MAN1A2: variants seen among roughly 807,000 people sequenced by gnomAD.
The protein encoded by MAN1A2 is mannosyl-oligosaccharide 1,2-alpha-mannosidase IB.
MAN1A2 carries 26 observed loss-of-function variants against 75.7 expected under a neutral mutation model. The ratio of observed to expected loss-of-function variants is 0.34; its 90% CI spans 0.25 to 0.48. The LOEUF is 0.48. Ranked by LOEUF, MAN1A2 falls within the 20% of genes least tolerant of loss-of-function variation. The probability of loss-of-function intolerance (pLI) is 0.99; values close to 1 mark genes in which losing one functional copy is unlikely to be tolerated. For missense variants in MAN1A2, 562 were observed against 775.5 expected, an observed-to-expected ratio of 0.72 and a Z score of 3.27; for synonymous variants, 247 against 264.6, an observed-to-expected ratio of 0.93 and a Z score of 0.65.
chr1:117,520,679 A>G (rs1031942108), intron 12 of MAN1A2, among the ~76,000 whole-genome samples: 3 of 152,068 alleles, frequency 2.0e-5, no homozygotes, highest in Non-Finnish European at 4.4e-5. Flanking sequence ...AGATGACACA[A>G]ACAGATGGAA....
intron 6 of MAN1A2, among the ~76,000 whole-genome samples, chr1:117,458,523 A>AGAT (rs372300456): frequency 9.5e-6 from 1 of 105,610 alleles, no homozygotes; most frequent in African/African-American, 3.5e-5. Context: ...ATATATATAT[A>AGAT]TTTTTTTTTT....
chr1:117,429,813 A>G (rs1357431250), intron 5 of MAN1A2, among the ~76,000 whole-genome samples: 1 of 28,816 alleles, frequency 3.5e-5, no homozygotes, highest in East Asian at 9.5e-4. Flanking sequence ...GGGGGCCGAC[A>G]CCCCCACCTC....
At chr1:117,466,908 A>G (rs998536716) in intron 8 of MAN1A2, among the ~76,000 whole-genome samples, 1 of 152,066 alleles carries the variant, frequency 6.6e-6, no homozygotes, top group Non-Finnish European at 1.5e-5. Flanking sequence ...AGAGATTGAG[A>G]TGGAGAAAGA....
chr1:117,392,771 C>T (rs1193988197), intron 1 of MAN1A2, among the ~76,000 whole-genome samples: 1 of 152,152 alleles, frequency 6.6e-6, no homozygotes, highest in East Asian at 1.9e-4. Context: ...GTGACCTATA[C>T]CTAACTAGAG....
At chr1:117,376,257 GA>G (rs1162832197) in intron 1 of MAN1A2, among the ~76,000 whole-genome samples, 6 of 152,190 alleles carry the variant, frequency 3.9e-5, no homozygotes, top group Admixed American at 6.5e-5. Context: ...CTGGTATAAG[GA>G]AGATGGATGC....
intron 1 of MAN1A2, among the ~76,000 whole-genome samples, chr1:117,381,406 A>G (rs556438834): frequency 8.6e-4 from 131 of 152,120 alleles, no homozygotes; most frequent in East Asian, 4.8e-3. Flanking sequence ...TCATTGTTCA[A>G]TTGCCATCTA....
chr1:117,471,467 A>G (rs1650149474), intron 8 of MAN1A2, among the ~76,000 whole-genome samples: 1 of 151,918 alleles, frequency 6.6e-6, no homozygotes. Flanking sequence ...GGAGTATTTT[A>G]TAATATGTTA....
intron 12 of MAN1A2, among the ~76,000 whole-genome samples, chr1:117,508,738 A>G (rs1411842061): frequency 6.6e-6 from 1 of 151,836 alleles, no homozygotes; most frequent in African/African-American, 2.4e-5. Flanking sequence ...TTTTCACAGT[A>G]TAATATTAAG....
At chr1:117,398,631 G>A (rs1179203085) in intron 1 of MAN1A2, among the ~76,000 whole-genome samples, 1 of 150,764 alleles carries the variant, frequency 6.6e-6, no homozygotes, top group African/African-American at 2.4e-5. Flanking sequence ...CCGAGATCGT[G>A]CCACTGCACT....
At chr1:117,456,413 C>T (rs1469402689) in intron 6 of MAN1A2, among the ~76,000 whole-genome samples, 1 of 151,990 alleles carries the variant, frequency 6.6e-6, no homozygotes. Context: ...ATAATTAAAA[C>T]TATTTAATTT....
chr1:117,493,024 G>A lies in MAN1A2; in HGVS notation c.1169-123G>A, dbSNP rs1650930023. ...AAATTTGAAGTATGTTGGAAATAGG[G>A]TTGTCAATGTAATTTTAAAATTATT... On this transcript the variant is annotated intron_variant, in intron 8 of 12. Coordinates refer to ENST00000356554, the MANE Select transcript of MAN1A2 (RefSeq NM_006699.5). 4 of 604,138 alleles carry A rather than the reference G, an allele frequency of 6.6e-6. No individual in the cohort carries two copies. The South Asian group carries it at 8.1e-5, about 12-fold the overall frequency. 37.4% of individuals were successfully genotyped at this position (604,138 alleles called of 1,614,324 possible). A position where few individuals can be genotyped will look rare whatever the true frequency, so the allele number is the denominator to read the frequency against.
chr1:117,373,851 A>G (rs1389811540), intron 1 of MAN1A2, among the ~76,000 whole-genome samples: 1 of 152,126 alleles, frequency 6.6e-6, no homozygotes, highest in East Asian at 1.9e-4. Context: ...CTAAGATTGG[A>G]AAGTTGGTAA....
intron 5 of MAN1A2, among the ~76,000 whole-genome samples, chr1:117,425,165 G>T (rs934318026): frequency 2.1e-5 from 3 of 142,916 alleles, no homozygotes; most frequent in African/African-American, 5.2e-5. Context: ...GAGGGCAAAG[G>T]GGGGAGGGAA....
At chr1:117,413,792 CAA>C (rs935026200) in intron 3 of MAN1A2, among the ~76,000 whole-genome samples, 8 of 151,880 alleles carry the variant, frequency 5.3e-5, no homozygotes, top group Non-Finnish European at 1.0e-4. Context: ...TCATAGGACA[CAA>C]ATAATAATTG....
intron 5 of MAN1A2, among the ~76,000 whole-genome samples, chr1:117,439,117 G>T (rs914564789): frequency 6.6e-6 from 1 of 152,138 alleles, no homozygotes; most frequent in African/African-American, 2.4e-5. Flanking sequence ...AACATACCTG[G>T]CATCCTTAGA....
rs1434166835 is a variant in MAN1A2, at chr1:117,407,575, G to A, written c.655+1930G>A. 3.9e-5 allele frequency among the ~76,000 whole-genome samples: 6 copies of A among 151,988 alleles called. No homozygotes were observed. The East Asian group carries it at 9.7e-4, about 24-fold the overall frequency. Reference sequence around the variant, plus strand: ...TTAACTTAAAACACTCTTTTTGTTAGCCTTGATTATTAAACAATTCTTTTA... The same window carrying A: ...TTAACTTAAAACACTCTTTTTGTTAACCTTGATTATTAAACAATTCTTTTA... On this transcript the variant is annotated intron_variant, in intron 3 of 12. Coordinates refer to ENST00000356554, the MANE Select transcript of MAN1A2 (RefSeq NM_006699.5).
chr1:117,373,196 A>G (rs1468299598), intron 1 of MAN1A2, among the ~76,000 whole-genome samples: 1 of 151,942 alleles, frequency 6.6e-6, no homozygotes, highest in African/African-American at 2.4e-5. Flanking sequence ...AGAGATTTCA[A>G]ATCTCACTAT....
intron 12 of MAN1A2, among the ~76,000 whole-genome samples, chr1:117,522,263 C>G (rs1300626539): frequency 1.3e-5 from 2 of 151,830 alleles, no homozygotes; most frequent in African/African-American, 4.8e-5. Flanking sequence ...TTTGACAAAT[C>G]AACTCTAACA....
At position 117,368,138 on chromosome 1, in the gene MAN1A2, C is replaced by G; in HGVS notation, c.-46C>G. The G allele has an allele frequency of 6.6e-7, 1 of 1,520,116 alleles. No individual in the cohort carries two copies. Among genetic ancestry groups the G allele is most frequent in the South Asian group, 1.3e-5 (1 of 78,454 alleles). 94.2% of individuals were successfully genotyped at this position (1,520,116 alleles called of 1,614,324 possible). ...ACAGTTCAATGTATTCTACATTTGA[C>G]ATAAGATGAGAACTTTCTAAAGTAT... On this transcript the variant is annotated 5_prime_UTR_variant, in exon 1 of 13. Transcript: ENST00000356554.
Sources: allele counts gnomAD v4.1 joint callset (sites outside exome capture counted in the v4.1 genomes callset), GRCh38; gene constraint gnomAD v4.1.1; transcripts MANE v1.5; gene names NCBI Gene and HGNC (gene_info 2026-07-23, HGNC 2026-07-21).